Variants in CACNA1C observed in about 807,000 individuals in gnomAD.
CACNA1C encodes the protein voltage-dependent L-type calcium channel subunit alpha-1C.
In CACNA1C, 30 loss-of-function variants were observed where a neutral mutation model predicts 229.0. The ratio of observed to expected loss-of-function variants is 0.13; its 90% CI spans 0.10 to 0.18. CACNA1C has a LOEUF of 0.18. Ranked by LOEUF, CACNA1C falls within the 10% of genes least tolerant of loss-of-function variation. The pLI is 1.00. For synonymous variants in CACNA1C, 1,114 were observed against 1,132.5 expected (o/e 0.98, Z 0.33); for missense variants, 1,658 against 2,845.0 (o/e 0.58, Z 9.49).
rs1034092391 is a variant in CACNA1C at position 2,678,345 on chromosome 12, A to G, written c.5091+478A>G. Among the ~76,000 whole-genome samples, 1 of 152,148 alleles carries G rather than the reference A, an allele frequency of 6.6e-6. No homozygotes were observed. Among genetic ancestry groups the G allele is most frequent in the Non-Finnish European group, 1.5e-5 (1 of 68,020 alleles). On this transcript the variant is annotated intron_variant, in intron 41 of 46. Coordinates refer to ENST00000399655, the MANE Select transcript of CACNA1C (RefSeq NM_000719.7). The surrounding 1 kb of genome is among the most constrained non-coding windows in gnomAD (Gnocchi z 4.1). ...AGGCGGTGGCCCTTTGAGATGGAGC[A>G]TAGCGTGTGTTCTCCAGGTCTCCAA...
At chr12:2,052,909 G>C, upstream of CACNA1C, 1 of 880,022 alleles carries the variant, frequency 1.1e-6, no homozygotes, top group Non-Finnish European at 1.4e-6. Flanking sequence ...GGGCGGGCGG[G>C]CGGCGCGGGC....
intron 1 of CACNA1C, among the ~76,000 whole-genome samples, chr12:2,105,003 G>A (rs1460305884): frequency 2.6e-5 from 4 of 152,212 alleles, no homozygotes; most frequent in African/African-American, 7.2e-5. Context: ...TGCCAAGGGC[G>A]TTATATCAGG....
At chr12:2,189,693 T>C (rs1305797939) in intron 3 of CACNA1C, among the ~76,000 whole-genome samples, 11 of 152,182 alleles carry the variant, frequency 7.2e-5, no homozygotes, top group African/African-American at 2.4e-4. Flanking sequence ...CTTCCGCCAT[T>C]GTGATTTACC....
chr12:2,053,308 C>A lies in CACNA1C; in HGVS notation c.-255C>A. 1 of 1,221,580 alleles carries A rather than the reference C, an allele frequency of 8.2e-7. No homozygotes were observed. Among genetic ancestry groups the A allele is most frequent in the Non-Finnish European group, 1.0e-6 (1 of 977,376 alleles). The allele number at this position is 1,221,580 out of a possible 1,614,324, so 75.7% of individuals were successfully genotyped here. A position where few individuals can be genotyped will look rare whatever the true frequency, so the allele number is the denominator to read the frequency against. ...CGGTGCTCAGTTCTTGGAAGGGGCC[C>A]GGATGTACTGAGGATGCGTTACAGT... is the stretch of plus-strand genomic sequence containing the variant. On this transcript the variant is annotated 5_prime_UTR_variant, in exon 1 of 47. Coordinates refer to ENST00000399655, the MANE Select transcript of CACNA1C (RefSeq NM_000719.7). This position sits in a 1 kb window ranked among gnomAD's most constrained non-coding sequence, Gnocchi z 5.8.
intron 1 of CACNA1C, among the ~76,000 whole-genome samples, chr12:1,999,821 T>C (rs1203597004): frequency 6.6e-6 from 1 of 152,236 alleles, no homozygotes; most frequent in South Asian, 2.1e-4. Flanking sequence ...ATCCTTAAAC[T>C]AGATTCACTA....
chr12:2,478,387 G>T (rs74053450), intron 5 of CACNA1C, among the ~76,000 whole-genome samples: 3,469 of 152,282 alleles, frequency 0.023, 126 homozygotes, highest in African/African-American at 0.077. Context: ...CTGCTGGTTG[G>T]TGGGGCAGCA....
chr12:2,092,389 A>G (rs912005263), intron 1 of CACNA1C, among the ~76,000 whole-genome samples: 2 of 152,252 alleles, frequency 1.3e-5, no homozygotes, highest in Non-Finnish European at 2.9e-5. Context: ...TGCCAGCCAG[A>G]TGGAAGATGT....
At chr12:2,151,881 G>A (rs2095292351) in intron 3 of CACNA1C, among the ~76,000 whole-genome samples, 1 of 152,204 alleles carries the variant, frequency 6.6e-6, no homozygotes, top group African/African-American at 2.4e-5. Context: ...ATAGCTTAAT[G>A]CTTGCCAGGT....
At chr12:2,074,019 C>A (rs973171626) in intron 1 of CACNA1C, among the ~76,000 whole-genome samples, 1 of 152,100 alleles carries the variant, frequency 6.6e-6, no homozygotes, top group African/African-American at 2.4e-5. Flanking sequence ...TAAGCGGCAC[C>A]ACTGCAATTC....
At position 2,284,820 on chromosome 12, in the gene CACNA1C, C is replaced by T. The variant is rs377168690; in HGVS notation, c.478-164156C>T. On this transcript the variant is annotated intron_variant, in intron 3 of 46. Transcript: ENST00000399655. Reference sequence around the variant, plus strand: ...TGTGAGTCTGCAGGGAAGGGATGCCCGCTGCTCCAAGGGGAAGCAAGGATA... The same window carrying T: ...TGTGAGTCTGCAGGGAAGGGATGCCTGCTGCTCCAAGGGGAAGCAAGGATA... Among the ~76,000 whole-genome samples, 83 of 152,330 alleles carry T rather than the reference C, an allele frequency of 5.4e-4. 1 individual carries two copies. The South Asian group carries it at 0.016, about 30-fold the overall frequency.
At chr12:2,671,553 T>A (rs748739826) in intron 38 of CACNA1C, among the ~76,000 whole-genome samples, 2 of 152,196 alleles carry the variant, frequency 1.3e-5, no homozygotes, top group Middle Eastern at 6.8e-3. Flanking sequence ...ACTTAAAGAT[T>A]GATGTAAATT....
intron 22 of CACNA1C, among the ~76,000 whole-genome samples, chr12:2,604,366 C>T (rs761037222): frequency 1.3e-5 from 2 of 152,092 alleles, no homozygotes; most frequent in East Asian, 1.9e-4. Flanking sequence ...GCCCCAACAG[C>T]GAAGCCCATC....
In CACNA1C at chr12:2,504,831, C is replaced by T. The variant is rs1344703719; in HGVS notation, c.1114-11C>T. Reference sequence around the variant, plus strand: ...GAGTGTGCCTCACTAACTATCATTCCGTTCTTCCAGGTCAATGATGCCGTA... The same window carrying T: ...GAGTGTGCCTCACTAACTATCATTCTGTTCTTCCAGGTCAATGATGCCGTA... On this transcript the variant is annotated splice_polypyrimidine_tract_variant and intron_variant, in intron 7 of 46. Coordinates refer to ENST00000399655, the MANE Select transcript of CACNA1C (RefSeq NM_000719.7). This position sits in a 1 kb window ranked among gnomAD's most constrained non-coding sequence, Gnocchi z 6.8. 3.4e-6 allele frequency: 5 copies of T among 1,486,524 alleles called. No individual in the cohort carries two copies. The highest frequency in any genetic ancestry group is 1.4e-5 in the African/African-American group (1 of 72,432). The allele number at this position is 1,486,524 out of a possible 1,614,324, so 92.1% of individuals were successfully genotyped here. A position where few individuals can be genotyped will look rare whatever the true frequency, so the allele number is the denominator to read the frequency against.
intron 3 of CACNA1C, among the ~76,000 whole-genome samples, chr12:2,398,012 CA>C (rs2098614813): frequency 6.6e-6 from 1 of 152,250 alleles, no homozygotes; most frequent in South Asian, 2.1e-4. Context: ...CCTGAATCTC[CA>C]TCACTGGCCC....
chr12:1,987,726 C>T (rs1031968182), intron 1 of CACNA1C, among the ~76,000 whole-genome samples: 1 of 152,210 alleles, frequency 6.6e-6, no homozygotes, highest in Admixed American at 6.5e-5. Flanking sequence ...CAGATACACA[C>T]ACATACAACC....
intron 3 of CACNA1C, among the ~76,000 whole-genome samples, chr12:2,237,136 C>A (rs1484376399): frequency 2.6e-5 from 4 of 152,292 alleles, no homozygotes; most frequent in Middle Eastern, 3.4e-3. Flanking sequence ...GAAGACCAGA[C>A]CTTATCACAT....
At chr12:2,052,538 A>G (rs1213755341), upstream of CACNA1C, among the ~76,000 whole-genome samples, 1 of 150,654 alleles carries the variant, frequency 6.6e-6, no homozygotes, top group Non-Finnish European at 1.5e-5. Context: ...CGGAGGAGAG[A>G]ACGCGGGCGG....
At position 2,554,529 on chromosome 12, in the gene CACNA1C, C is replaced by T. The variant is rs570208987; in HGVS notation, c.1482-2422C>T. ...AGAGTTCTTTGGAGATTGTGAAGAT[C>T]GGTAGCAGGGAGGCATTGGCCACAG... On this transcript the variant is annotated intron_variant, in intron 10 of 46. Transcript: ENST00000399655. 7.8e-4 allele frequency among the ~76,000 whole-genome samples: 119 copies of T among 152,276 alleles called. 1 individual carries two copies. The highest frequency in any genetic ancestry group is 6.8e-3 in the Middle Eastern group (2 of 294).
chr12:2,053,085 C>G lies in CACNA1C; in HGVS notation c.-478C>G, dbSNP rs1317236969. On this transcript the variant is annotated 5_prime_UTR_variant, in exon 1 of 47. Coordinates refer to ENST00000399655, the MANE Select transcript of CACNA1C (RefSeq NM_000719.7). The surrounding 1 kb of genome is among the most constrained non-coding windows in gnomAD (Gnocchi z 5.8). ...CGGCGGCGGCGGCTCTTCCTGCCTC[C>G]GCGCCCAGGAGTTGCCGGCTCCCTT... is the stretch of plus-strand genomic sequence containing the variant. 1.0e-6 allele frequency: 1 copy of G among 984,536 alleles called. No homozygotes were observed. The highest frequency in any genetic ancestry group is 1.2e-6 in the Non-Finnish European group (1 of 829,398). 61.0% of individuals were successfully genotyped at this position (984,536 alleles called of 1,614,324 possible).
Sources: gnomAD v4.1 joint callset for allele counts (sites outside exome capture counted in the v4.1 genomes callset) on GRCh38, gnomAD v4.1.1 for gene constraint, Gnocchi (gnomAD v3.1) non-coding constraint, MANE v1.5 for transcripts, NCBI Gene and HGNC (gene_info 2026-07-23, HGNC 2026-07-21) for gene names.